The following TRABD2B variants were observed in gnomAD, a reference collection of about 807,000 sequenced individuals.
TRABD2B encodes the protein TraB domain containing 2B.
A neutral mutation model predicts 40.1 loss-of-function variants in TRABD2B; 14 were observed. The observed-to-expected ratio is 0.35, with a 90% confidence interval of 0.23 to 0.55. The LOEUF (loss-of-function observed/expected upper bound fraction) is 0.55. TRABD2B is among the 20% of genes least tolerant of loss of function. The pLI is 0.90. For synonymous variants in TRABD2B, 263 were observed against 277.0 expected (o/e 0.95, Z 0.50); for missense variants, 541 against 648.6 (o/e 0.83, Z 1.80).
At chr1:47,885,934 C>T (rs963577765) in intron 2 of TRABD2B, among the ~76,000 whole-genome samples, 1 of 152,172 alleles carries the variant, frequency 6.6e-6, no homozygotes, top group Non-Finnish European at 1.5e-5. Context: ...TAGTTTTATG[C>T]ATCAGTTGGT....
intron 2 of TRABD2B, among the ~76,000 whole-genome samples, chr1:47,806,800 T>C (rs994120446): frequency 6.6e-6 from 1 of 152,204 alleles, no homozygotes; most frequent in East Asian, 1.9e-4. Context: ...AATGGTAGAC[T>C]TGAAGGCCTA....
At chr1:47,865,910 T>C (rs1246232623) in intron 2 of TRABD2B, among the ~76,000 whole-genome samples, 2 of 152,114 alleles carry the variant, frequency 1.3e-5, no homozygotes, top group East Asian at 1.9e-4. Context: ...TTTCCACTTA[T>C]TCTCTGTTGC....
At chr1:47,953,307 C>A (rs1328407065) in intron 2 of TRABD2B, among the ~76,000 whole-genome samples, 1 of 152,168 alleles carries the variant, frequency 6.6e-6, no homozygotes, top group Non-Finnish European at 1.5e-5. Context: ...TACAAACGTG[C>A]AAAAGCCTAA....
intron 2 of TRABD2B, among the ~76,000 whole-genome samples, chr1:47,984,850 C>G (rs751818072): frequency 3.6e-5 from 5 of 138,172 alleles, no homozygotes; most frequent in Non-Finnish European, 7.8e-5. Flanking sequence ...AACACCTGCA[C>G]GGATGCTGTG....
chr1:47,936,026 G>A lies in TRABD2B; in HGVS notation c.666+58008C>T, dbSNP rs139904964. Among the ~76,000 whole-genome samples the A allele has an allele frequency of 2.2e-4, 33 of 152,312 alleles. No homozygotes were observed. The South Asian group carries it at 3.7e-3, about 17-fold the overall frequency. On this transcript the variant is annotated intron_variant, in intron 2 of 6. Coordinates refer to ENST00000606738, the MANE Select transcript of TRABD2B (RefSeq NM_001194986.2). ...CTGCTGCCTTGCAGGGCTGTTAAGC[G>A]TAGTAAACAGAAGAACATATGGGAA...
chr1:47,984,185 T>C (rs1645883001), intron 2 of TRABD2B, among the ~76,000 whole-genome samples: 1 of 152,240 alleles, frequency 6.6e-6, no homozygotes, highest in South Asian at 2.1e-4. Context: ...AGGCCTGTCC[T>C]TTTATCTTTG....
chr1:47,896,383 A>C (rs1644522326), intron 2 of TRABD2B, among the ~76,000 whole-genome samples: 1 of 152,180 alleles, frequency 6.6e-6, no homozygotes, highest in Admixed American at 6.5e-5. Context: ...TCTGGGTTCA[A>C]CAGAGTCACG....
At chr1:47,785,483 G>T (rs1644583648) in intron 4 of TRABD2B, among the ~76,000 whole-genome samples, 1 of 152,224 alleles carries the variant, frequency 6.6e-6, no homozygotes, top group South Asian at 2.1e-4. Flanking sequence ...AAATGAAAGT[G>T]CCCCAGGTCT....
chr1:47,840,377 G>C (rs967143426), intron 2 of TRABD2B, among the ~76,000 whole-genome samples: 1 of 152,160 alleles, frequency 6.6e-6, no homozygotes, highest in East Asian at 1.9e-4. Flanking sequence ...ACTTGTTCAA[G>C]GTCACACTAG....
rs1331331269 is a variant in TRABD2B at position 47,996,597 on chromosome 1, A to C, written c.102+91T>G. 57 of 1,178,906 alleles carry C rather than the reference A, an allele frequency of 4.8e-5. No individual in the cohort carries two copies. The highest frequency in any genetic ancestry group is 5.7e-5 in the Non-Finnish European group (54 of 950,644). The allele number at this position is 1,178,906 out of a possible 1,614,324, so 73.0% of individuals were successfully genotyped here. A position where few individuals can be genotyped will look rare whatever the true frequency, so the allele number is the denominator to read the frequency against. On this transcript the variant is annotated intron_variant, in intron 1 of 6. Transcript: ENST00000606738. The surrounding 1 kb of genome is among the most constrained non-coding windows in gnomAD (Gnocchi z 4.6). ...GGGTGGAGGTGGAGCGGGCGGGCTA[A>C]GGTGGGTGCGGAAGCAGGACCCAAA...
intron 2 of TRABD2B, among the ~76,000 whole-genome samples, chr1:47,963,366 G>A (rs148792494): frequency 0.01 from 1,597 of 152,306 alleles, 24 homozygotes; most frequent in South Asian, 0.076. Flanking sequence ...GACCAGCAAA[G>A]CATCAGAGCC....
intron 2 of TRABD2B, among the ~76,000 whole-genome samples, chr1:47,910,089 A>T (rs1644742130): frequency 6.6e-6 from 1 of 151,742 alleles, no homozygotes; most frequent in Admixed American, 6.6e-5. Context: ...TGACCTCCTG[A>T]GCTCAAGCAG....
intron 2 of TRABD2B, among the ~76,000 whole-genome samples, chr1:47,802,364 C>T (rs1268098408): frequency 6.6e-6 from 1 of 152,232 alleles, no homozygotes; most frequent in South Asian, 2.1e-4. Context: ...AGGATCGTGG[C>T]TCTAATGGAA....
At chr1:47,975,874 A>G (rs1431951015) in intron 2 of TRABD2B, among the ~76,000 whole-genome samples, 1 of 152,188 alleles carries the variant, frequency 6.6e-6, no homozygotes, top group Non-Finnish European at 1.5e-5. Flanking sequence ...AATAGGAAAC[A>G]GGATTTGGAG....
chr1:47,982,809 C>T (rs1645859153), intron 2 of TRABD2B, among the ~76,000 whole-genome samples: 1 of 150,344 alleles, frequency 6.7e-6, no homozygotes, highest in African/African-American at 2.4e-5. Context: ...TTCCTTTCCA[C>T]CTCATCTCCA....
intron 2 of TRABD2B, among the ~76,000 whole-genome samples, chr1:47,871,458 G>A (rs145470681): frequency 5.6e-4 from 85 of 152,262 alleles, no homozygotes; most frequent in African/African-American, 1.8e-3. Context: ...CAGCCACCCC[G>A]CCACACGTAC....
chr1:47,989,083 C>T (rs1645963276), intron 2 of TRABD2B, among the ~76,000 whole-genome samples: 1 of 152,170 alleles, frequency 6.6e-6, no homozygotes, highest in Admixed American at 6.5e-5. Flanking sequence ...TGTAAATACA[C>T]AGAAGGCATC....
Position 47,891,862 on chromosome 1 carries a change from A to G in TRABD2B, c.667-90243T>C, listed in dbSNP as rs542422837. ...GAAAAAACAAAAATGAAAGAAAAAAAAAAGAAAGAGCAAGGGACTAGTATG... is the reference window on the plus strand; with the variant it reads ...GAAAAAACAAAAATGAAAGAAAAAAGAAAGAAAGAGCAAGGGACTAGTATG... On this transcript the variant is annotated intron_variant, in intron 2 of 6. Transcript: ENST00000606738. 2.0e-4 allele frequency among the ~76,000 whole-genome samples: 31 copies of G among 152,296 alleles called. No individual in the cohort carries two copies. In the South Asian group the frequency reaches 2.7e-3, roughly 13 times the overall value.
At chr1:47,937,542 AC>A (rs1226685868) in intron 2 of TRABD2B, among the ~76,000 whole-genome samples, 3 of 152,168 alleles carry the variant, frequency 2.0e-5, no homozygotes, top group African/African-American at 7.2e-5. Context: ...AAATGAGAAA[AC>A]TGAGGCCCAG....
Sources: allele counts gnomAD v4.1 joint callset (sites outside exome capture counted in the v4.1 genomes callset), GRCh38; gene constraint gnomAD v4.1.1; non-coding constraint Gnocchi (gnomAD v3.1); transcripts MANE v1.5; gene names NCBI Gene and HGNC (gene_info 2026-07-23, HGNC 2026-07-21).